Variants in TEP1 observed in about 807,000 individuals in gnomAD.
The protein encoded by TEP1 is telomerase associated protein 1.
A neutral mutation model predicts 306.3 loss-of-function variants in TEP1; 241 were observed. The observed-to-expected ratio is 0.79, with a 90% CI of 0.71 to 0.88. The LOEUF (loss-of-function observed/expected upper bound fraction) is 0.88. TEP1 is among the 40% of genes least tolerant of loss of function. TEP1 has a pLI of 0.00. For synonymous variants in TEP1, 1,289 were observed against 1,305.5 expected (o/e 0.99, Z 0.27); for missense variants, 3,051 against 3,276.1 (o/e 0.93, Z 1.68).
At chr14:20,383,718 G>C (rs768681029) in intron 25 of TEP1, 25 bp downstream of exon 25, 5 of 1,609,314 alleles carry the variant, frequency 3.1e-6, no homozygotes, top group African/African-American at 2.7e-5. Flanking sequence ...CATCAACAAG[G>C]CTGGGCTCAT....
chr14:20,366,356 T>C lies in TEP1; in HGVS notation c.*2081A>G, dbSNP rs1247823702. 1 of 152,218 alleles carries C rather than the reference T, an allele frequency of 6.6e-6. No individual in the cohort carries two copies. Among genetic ancestry groups the C allele is most frequent in the Non-Finnish European group, 1.5e-5 (1 of 68,040 alleles). The allele number at this position is 152,218 out of a possible 1,614,324, so 9.4% of individuals were successfully genotyped here. A position where few individuals can be genotyped will look rare whatever the true frequency, so the allele number is the denominator to read the frequency against. ...TTTTAGGGGAGCAAAAGGCAAAAGA[T>C]TGAAATCAATGACTAGGATGATGCC... On this transcript the variant is annotated 3_prime_UTR_variant, in exon 55 of 55. Transcript: ENST00000262715.
At chr14:20,391,569 C>T (rs758754104) in intron 13 of TEP1, 30 bp downstream of exon 13, 1 of 1,598,680 alleles carries the variant, frequency 6.3e-7, no homozygotes, top group African/African-American at 1.3e-5. Context: ...ACCAACCCAA[C>T]CCCTTGGAGG....
chr14:20,376,066 G>A, intron 42 of TEP1, 38 bp downstream of exon 42: 1 of 1,604,898 alleles, frequency 6.2e-7, no homozygotes, highest in Non-Finnish European at 8.5e-7. Flanking sequence ...AACTAGAGAG[G>A]CTATGGGACC....
chr14:20,376,127 G>C lies in TEP1; in HGVS notation c.6226C>G (p.Leu2076Val). The C allele has an allele frequency of 1.9e-6, 3 of 1,614,148 alleles. No individual in the cohort carries two copies. Among genetic ancestry groups the C allele is most frequent in the Non-Finnish European group, 2.5e-6 (3 of 1,180,026 alleles). Residue 2076 changes from leucine to valine, a missense_variant, in exon 42 of 55, where the codon CTG becomes GTG. Leu to Val is a conservative substitution (Grantham distance 32, BLOSUM62 1). Around this residue, in one of 3 missense-constraint regions of TEP1, gnomAD observed 1,540 missense variants for 1,705.9 expected, o/e 0.90. Transcript: ENST00000262715. ...CCSFSTDGGS[L>V]ATGGRDRSLL... is the part of the protein sequence containing the mutation. Reference sequence around the variant, plus strand: ...ACCCGATCCCGGCCCCCGGTGGCCAGGCTGCCTCCATCAGTGCTGAAACTA... The same window carrying C: ...ACCCGATCCCGGCCCCCGGTGGCCACGCTGCCTCCATCAGTGCTGAAACTA...
chr14:20,400,433 A>C (rs564360358), intron 9 of TEP1, among the ~76,000 whole-genome samples: 20 of 151,520 alleles, frequency 1.3e-4, no homozygotes, highest in African/African-American at 4.1e-4. Flanking sequence ...AAATTTAAAA[A>C]GAAAAGTAAT....
rs776649005 is a variant in TEP1, at chr14:20,401,057, C to T, written c.1476G>A (p.Leu492=). 2.5e-6 allele frequency: 4 copies of T among 1,614,254 alleles called. No individual in the cohort carries two copies. The South Asian group carries it at 4.4e-5, about 18-fold the overall frequency. Residue 492 remains leucine (L), a synonymous_variant, in exon 9 of 55, where the codon CTG becomes CTA. Coordinates refer to ENST00000262715, the MANE Select transcript of TEP1 (RefSeq NM_007110.5). ...CCCGCTCCCAGGTCTCTGGCCTAGA[C>T]AGCTTCATCCTCTTCCCAGCTCTGC... ...DSSRAGKRMK[L]SRPETWEREL... is the part of the protein sequence containing the mutation.
At chr14:20,397,086 C>G (rs774655442) in intron 9 of TEP1, among the ~76,000 whole-genome samples, 2 of 152,170 alleles carry the variant, frequency 1.3e-5, no homozygotes, top group African/African-American at 2.4e-5. Context: ...AAAATTTATG[C>G]AACACTGTTT....
At chr14:20,389,886 T>C in intron 15 of TEP1, 146 bp from the exon 16 acceptor site, 1 of 1,120,174 alleles carries the variant, frequency 8.9e-7, no homozygotes, top group Non-Finnish European at 1.2e-6. Context: ...GGGAAGCCAC[T>C]GCATTTTAAC....
rs1351331743 is a variant in TEP1 at position 20,408,276 on chromosome 14, A to G, written c.164T>C (p.Leu55Pro). Residue 55 changes from leucine to proline, a missense_variant, in exon 2 of 55, where the codon CTT (leucine) becomes CCT (proline). Transcript: ENST00000262715. ...TTTTTCCATGGTCTTCAGGTCAGGA[A>G]GCGTGGCTAGGCACTGGTTCTTCAA... Reference protein sequence around the residue: ...LSLKNQCLATLPDLKTMEKPH... With the variant: ...LSLKNQCLATPPDLKTMEKPH... 2 of 1,613,152 alleles carry G rather than the reference A, an allele frequency of 1.2e-6. No individual in the cohort carries two copies. Among genetic ancestry groups the G allele is most frequent in the Non-Finnish European group, 1.7e-6 (2 of 1,179,498 alleles).
chr14:20,391,506 C>A (rs1056740475), intron 13 of TEP1, 93 bp downstream of exon 13: 21 of 1,413,080 alleles, frequency 1.5e-5, no homozygotes, highest in Non-Finnish European at 2.0e-5. Context: ...TGAGTGTTTG[C>A]CTGGGAAAAC....
chr14:20,390,777 A>G lies in TEP1; in HGVS notation c.2257-19T>C, dbSNP rs1566466418. 1.9e-6 allele frequency: 3 copies of G among 1,614,066 alleles called. No homozygotes were observed. The highest frequency in any genetic ancestry group is 2.5e-6 in the Non-Finnish European group (3 of 1,179,906). ...CAAACTCCTGAAGGAAAGAGACTTC[A>G]TGTTATGTGGTTGCACAGTAAGCGA... On this transcript the variant is annotated intron_variant, in intron 14 of 54. Transcript: ENST00000262715.
Position 20,381,823 on chromosome 14 carries a change from G to C in TEP1, c.4424+90C>G. ...GAGCAGTAGCTCATTCATGGTCTGG[G>C]AGCCAGTTGTTGAAGCTATACAGAG... On this transcript the variant is annotated intron_variant, in intron 30 of 54. Transcript: ENST00000262715. This position sits in a 1 kb window ranked among gnomAD's most constrained non-coding sequence, Gnocchi z 4.0. The C allele has an allele frequency of 6.4e-7, 1 of 1,553,332 alleles. No individual in the cohort carries two copies. The highest frequency in any genetic ancestry group is 8.7e-7 in the Non-Finnish European group (1 of 1,152,230).
intron 11 of TEP1, 114 bp from the exon 12 acceptor site, chr14:20,395,741 C>T: frequency 6.7e-7 from 1 of 1,488,342 alleles, no homozygotes; most frequent in Non-Finnish European, 9.2e-7. Flanking sequence ...CTGACCTCTG[C>T]CCCCCACCCC....
At chr14:20,384,960 C>A in intron 21 of TEP1, 25 bp downstream of exon 21, 4 of 1,614,088 alleles carry the variant, frequency 2.5e-6, no homozygotes, top group Non-Finnish European at 3.4e-6. Flanking sequence ...GGAAGGAGCC[C>A]CAGCCTGCAG....
At position 20,372,716 on chromosome 14, in the gene TEP1, C is replaced by G; in HGVS notation, c.7076+17G>C. On this transcript the variant is annotated intron_variant, in intron 49 of 54. Coordinates refer to ENST00000262715, the MANE Select transcript of TEP1 (RefSeq NM_007110.5). The stretch of plus-strand genomic sequence containing the variant: ...AGACTGCTGTTTCTATCCCATTAAC[C>G]CATCAGCCTGTTTCACCTCAAATTT... 6.2e-7 allele frequency: 1 copy of G among 1,613,978 alleles called. No homozygotes were observed. Among genetic ancestry groups the G allele is most frequent in the Non-Finnish European group, 8.5e-7 (1 of 1,179,986 alleles).
chr14:20,392,005 T>G (rs989539170), intron 12 of TEP1, among the ~76,000 whole-genome samples: 1 of 152,216 alleles, frequency 6.6e-6, no homozygotes, highest in African/African-American at 2.4e-5. Flanking sequence ...AAGTCACCTG[T>G]AGACCCACTA....
At chr14:20,393,683 T>C (rs901147204) in intron 12 of TEP1, among the ~76,000 whole-genome samples, 1 of 151,972 alleles carries the variant, frequency 6.6e-6, no homozygotes, top group Non-Finnish European at 1.5e-5. Flanking sequence ...TCCCAGCTAC[T>C]TGGGAGTCTG....
chr14:20,395,586 G>A lies in TEP1; in HGVS notation c.1792C>T (p.Leu598=), dbSNP rs769769958. The change falls in exon 12 of 55, where the codon CTA becomes TTA. Residue 598 remains leucine, a synonymous_variant. Transcript: ENST00000262715. ...PSNITLMRRI[L]TRNEKNRPRR... ...GGACGGTTCTTTTCATTTCTAGTTA[G>A]TATCCGCCTCATCAGTGTTATATTC... 6.2e-6 allele frequency: 10 copies of A among 1,612,366 alleles called. No individual in the cohort carries two copies. In the South Asian group the frequency reaches 9.9e-5, roughly 16 times the overall value.
Position 20,376,123 on chromosome 14 carries a change from G to A in TEP1, c.6230C>T (p.Ala2077Val). The change falls in exon 42 of 55, where the codon GCC (alanine) becomes GTC (valine). Residue 2077 changes from alanine to valine, a missense_variant. Ala to Val is a moderately conservative substitution (Grantham distance 64, BLOSUM62 0). Transcript: ENST00000262715. The stretch of plus-strand genomic sequence containing the variant: ...GCTCACCCGATCCCGGCCCCCGGTG[G>A]CCAGGCTGCCTCCATCAGTGCTGAA... ...CSFSTDGGSL[A>V]TGGRDRSLLC... 1.2e-6 allele frequency: 2 copies of A among 1,614,118 alleles called. No homozygotes were observed. Among genetic ancestry groups the A allele is most frequent in the Non-Finnish European group, 1.7e-6 (2 of 1,180,022 alleles).
Sources: gnomAD v4.1 joint callset for allele counts (sites outside exome capture counted in the v4.1 genomes callset) on GRCh38, gnomAD v4.1.1 for gene constraint, gnomAD v4.1.1 regional missense constraint, Gnocchi (gnomAD v3.1) non-coding constraint, MANE v1.5 for transcripts, NCBI Gene and HGNC (gene_info 2026-07-23, HGNC 2026-07-21) for gene names.